The following SCP2 variants were observed in gnomAD, a reference collection of about 807,000 sequenced individuals.
SCP2 encodes the protein sterol carrier protein 2.
In SCP2, 48 loss-of-function variants were observed where a neutral mutation model predicts 71.4. The observed-to-expected ratio is 0.67, with a 90% CI of 0.53 to 0.86. The LOEUF is 0.86. SCP2 is among the 40% of genes least tolerant of loss of function. The pLI is 0.00. For synonymous variants in SCP2, 220 were observed against 218.1 expected (o/e 1.01, Z -0.08); for missense variants, 560 against 655.6 (o/e 0.85, Z 1.59).
chr1:53,004,342 T>G (rs926346798), intron 11 of SCP2, among the ~76,000 whole-genome samples: 5 of 152,238 alleles, frequency 3.3e-5, no homozygotes, highest in African/African-American at 1.2e-4. Flanking sequence ...TTTTACTTTT[T>G]TTTGAAATAT....
At chr1:53,016,171 T>A (rs1396440519) in intron 12 of SCP2, among the ~76,000 whole-genome samples, 2 of 152,204 alleles carry the variant, frequency 1.3e-5, no homozygotes, top group Non-Finnish European at 2.9e-5. Context: ...TTGGATCTCT[T>A]CTCTTGTCCT....
chr1:52,950,138 T>C (rs571072419), intron 3 of SCP2, among the ~76,000 whole-genome samples: 1 of 151,648 alleles, frequency 6.6e-6, no homozygotes, highest in Non-Finnish European at 1.5e-5. Context: ...ATTTATTTAT[T>C]TGAGACCGAG....
chr1:52,931,039 C>T (rs966786850), intron 1 of SCP2, among the ~76,000 whole-genome samples: 4 of 152,192 alleles, frequency 2.6e-5, no homozygotes, highest in Non-Finnish European at 5.9e-5. Flanking sequence ...TTTGATTAAA[C>T]ATGGCAGATT....
At chr1:53,002,201 CAAAG>C (rs1471498039) in intron 11 of SCP2, among the ~76,000 whole-genome samples, 11 of 147,112 alleles carry the variant, frequency 7.5e-5, no homozygotes, top group Middle Eastern at 3.2e-3. Context: ...AAAAAAAAAA[CAAAG>C]AAAGAAAAAA....
At chr1:53,036,592 G>A (rs1020227412) in intron 13 of SCP2, among the ~76,000 whole-genome samples, 1 of 148,582 alleles carries the variant, frequency 6.7e-6, no homozygotes, top group Non-Finnish European at 1.5e-5. Flanking sequence ...TCTTAAGTGG[G>A]ATCATATTGT....
Position 52,991,426 on chromosome 1 carries a change from A to T in SCP2, c.1081+3290A>T, listed in dbSNP as rs1247154639. On this transcript the variant is annotated intron_variant, in intron 11 of 15. Coordinates refer to ENST00000371514, the MANE Select transcript of SCP2 (RefSeq NM_002979.5). ...TTTCTTTTTTTTTTCCTTGAAACGG[A>T]GTCTTGCTTTGTCGCCCAGGCTGGA... is the stretch of plus-strand genomic sequence containing the variant. 6.2e-5 allele frequency among the ~76,000 whole-genome samples: 9 copies of T among 144,876 alleles called. No individual in the cohort carries two copies. In the Admixed American group the frequency reaches 6.3e-4, roughly 10 times the overall value.
intron 2 of SCP2, chr1:52,943,633 G>T (rs7543483): frequency 4.6e-6 from 2 of 430,174 alleles, no homozygotes; most frequent in South Asian, 3.5e-5. Context: ...AAAGGCCAAC[G>T]AGATAGGCCT....
chr1:52,974,126 T>C (rs1657733391), intron 6 of SCP2, among the ~76,000 whole-genome samples: 2 of 152,208 alleles, frequency 1.3e-5, no homozygotes, highest in Admixed American at 1.3e-4. Flanking sequence ...CTTTTTTCTT[T>C]GGCCTTTACA....
At chr1:52,947,061 GAAA>G (rs769379121) in intron 2 of SCP2, among the ~76,000 whole-genome samples, 2 of 76,966 alleles carry the variant, frequency 2.6e-5, no homozygotes, top group Non-Finnish European at 2.6e-5. Context: ...ACTCTGTCTC[GAAA>G]AAAAAAAAAA....
In SCP2 at chr1:52,941,778, C is replaced by A; in HGVS notation, c.70-18C>A. The A allele has an allele frequency of 1.3e-6, 2 of 1,518,194 alleles. No individual in the cohort carries two copies. The highest frequency in any genetic ancestry group is 1.8e-6 in the Non-Finnish European group (2 of 1,093,908). 94.0% of individuals were successfully genotyped at this position (1,518,194 alleles called of 1,614,324 possible). A position where few individuals can be genotyped will look rare whatever the true frequency, so the allele number is the denominator to read the frequency against. ...AACTATACTTGTTTGTATTTATTAT[C>A]TCTTTCTATATCTCTAGTTTGTGAA... On this transcript the variant is annotated intron_variant, in intron 1 of 15. Transcript: ENST00000371514.
intron 11 of SCP2, among the ~76,000 whole-genome samples, chr1:53,013,881 T>TC (rs1426964486): frequency 7.7e-6 from 1 of 129,248 alleles, no homozygotes; most frequent in African/African-American, 3.3e-5. Flanking sequence ...GATAGAACAT[T>TC]CTTTTTTTTT....
intron 14 of SCP2, among the ~76,000 whole-genome samples, chr1:53,040,708 G>A (rs561196353): frequency 1.3e-5 from 2 of 151,952 alleles, no homozygotes; most frequent in African/African-American, 4.8e-5. Flanking sequence ...GCGACAGAGC[G>A]AGACTCCGTC....
chr1:52,948,852 A>G (rs1655041356), intron 3 of SCP2, among the ~76,000 whole-genome samples: 1 of 152,052 alleles, frequency 6.6e-6, no homozygotes. Flanking sequence ...ATTACCACCC[A>G]TGCTGTACGT....
In SCP2 at chr1:53,023,108, G is replaced by A. The variant is rs562647954; in HGVS notation, c.1236-4861G>A. Among the ~76,000 whole-genome samples, 74 of 152,186 alleles carry A rather than the reference G, an allele frequency of 4.9e-4. 1 individual carries two copies. Among genetic ancestry groups the A allele is most frequent in the African/African-American group, 1.6e-3 (68 of 41,528 alleles). On this transcript the variant is annotated intron_variant, in intron 12 of 15. Coordinates refer to ENST00000371514, the MANE Select transcript of SCP2 (RefSeq NM_002979.5). ...ATATATTCAGTTTTCTTAGAGCAGG[G>A]CACATATATAAATTTTAAGGAATGA...
chr1:52,960,674 G>GTA (rs1014260806), intron 5 of SCP2, among the ~76,000 whole-genome samples: 2 of 147,250 alleles, frequency 1.4e-5, no homozygotes, highest in African/African-American at 2.5e-5. Context: ...ATATGTATGT[G>GTA]TATATATATG....
At chr1:52,987,006 A>ATATTTTTTTTTTT (rs1386745740) in intron 10 of SCP2, among the ~76,000 whole-genome samples, 1 of 110,504 alleles carries the variant, frequency 9.0e-6, no homozygotes, top group African/African-American at 4.0e-5. Flanking sequence ...ATATATATAT[A>ATATTTTTTTTTTT]TTTTTTTTTT....
At chr1:52,969,073 A>C (rs1657225718) in intron 6 of SCP2, among the ~76,000 whole-genome samples, 1 of 151,328 alleles carries the variant, frequency 6.6e-6, no homozygotes, top group African/African-American at 2.4e-5. Flanking sequence ...CTGAGGAGGA[A>C]GGGGAAGGTT....
At chr1:52,957,656 A>T (rs1268517576) in intron 5 of SCP2, among the ~76,000 whole-genome samples, 1 of 152,244 alleles carries the variant, frequency 6.6e-6, no homozygotes, top group Non-Finnish European at 1.5e-5. Flanking sequence ...GCAACCGAGG[A>T]AAATTTAATT....
intron 14 of SCP2, among the ~76,000 whole-genome samples, chr1:53,041,612 T>C (rs868686032): frequency 6.6e-6 from 1 of 152,148 alleles, no homozygotes; most frequent in African/African-American, 2.4e-5. Context: ...AGGATAGATG[T>C]TGCCACTGTC....
Sources: allele counts gnomAD v4.1 joint callset (sites outside exome capture counted in the v4.1 genomes callset), GRCh38; gene constraint gnomAD v4.1.1; transcripts MANE v1.5; gene names NCBI Gene and HGNC (gene_info 2026-07-23, HGNC 2026-07-21).